Variants in BRINP1 observed in about 807,000 individuals in gnomAD.
BRINP1 encodes BMP/retinoic acid inducible neural specific 1, also known as BMP/retinoic acid-inducible neural-specific protein 1.
In BRINP1, 17 loss-of-function variants were observed where a neutral mutation model predicts 72.9. That is an observed-to-expected ratio of 0.23 (90% confidence interval 0.16 to 0.35). The LOEUF is 0.35. Among genes scored for constraint, BRINP1 ranks in the 10% least tolerant of loss-of-function variants. BRINP1 has a pLI of 1.00. For missense variants in BRINP1, 850 were observed against 1,001.6 expected (o/e 0.85, Z 2.04); for synonymous variants, 418 against 378.5 (o/e 1.10, Z -1.21).
chr9:119,306,028 C>A (rs1447488532), intron 2 of BRINP1, among the ~76,000 whole-genome samples: 1 of 152,188 alleles, frequency 6.6e-6, no homozygotes, highest in Non-Finnish European at 1.5e-5. Flanking sequence ...TCCTAATCTA[C>A]CGAATCATAA....
chr9:119,354,065 C>T (rs992148307), intron 1 of BRINP1, among the ~76,000 whole-genome samples: 2 of 151,680 alleles, frequency 1.3e-5, no homozygotes, highest in African/African-American at 2.4e-5. Context: ...GGGAAACTTC[C>T]CTTCTTATTA....
chr9:119,258,942 G>T (rs1428983563), intron 2 of BRINP1, among the ~76,000 whole-genome samples: 2 of 152,112 alleles, frequency 1.3e-5, no homozygotes, highest in African/African-American at 4.8e-5. Context: ...CTTAGTCTGG[G>T]ATCTTCCTTG....
At chr9:119,326,670 T>C (rs951889540) in intron 1 of BRINP1, among the ~76,000 whole-genome samples, 1 of 152,172 alleles carries the variant, frequency 6.6e-6, no homozygotes, top group Non-Finnish European at 1.5e-5. Flanking sequence ...GTGAAATAAA[T>C]ATTTTGGAGT....
chr9:119,352,858 CTG>C (rs1223626768), intron 1 of BRINP1, among the ~76,000 whole-genome samples: 1 of 152,242 alleles, frequency 6.6e-6, no homozygotes, highest in African/African-American at 2.4e-5. Flanking sequence ...GACTCTGACA[CTG>C]TAATTTACAA....
intron 2 of BRINP1, among the ~76,000 whole-genome samples, chr9:119,270,951 G>A (rs1044024834): frequency 7.9e-5 from 12 of 152,150 alleles, no homozygotes; most frequent in African/African-American, 2.9e-4. Context: ...AGTCTAGCAG[G>A]AAAATAGAGT....
chr9:119,167,038 TGTG>T lies in BRINP1; in HGVS notation c.*43_*45del. 2 of 1,528,098 alleles carry T rather than the reference TGTG, an allele frequency of 1.3e-6. No homozygotes were observed. Among genetic ancestry groups the T allele is most frequent in the Non-Finnish European group, 1.8e-6 (2 of 1,132,754 alleles). 94.7% of individuals were successfully genotyped at this position (1,528,098 alleles called of 1,614,324 possible). A position where few individuals can be genotyped will look rare whatever the true frequency, so the allele number is the denominator to read the frequency against. ...TTTGTTTTGCTTCATTTTGTTCTGTTGTGTGTGTACAACAACAGGAAAAGTCCA... is the reference window on the plus strand; with the variant it reads ...TTTGTTTTGCTTCATTTTGTTCTGTTTGTGTACAACAACAGGAAAAGTCCA... On this transcript the variant is annotated 3_prime_UTR_variant, in exon 8 of 8. Coordinates refer to ENST00000265922, the MANE Select transcript of BRINP1 (RefSeq NM_014618.3). The surrounding 1 kb of genome is among the most constrained non-coding windows in gnomAD (Gnocchi z 4.3).
chr9:119,259,356 G>A (rs1830476645), intron 2 of BRINP1, among the ~76,000 whole-genome samples: 1 of 152,204 alleles, frequency 6.6e-6, no homozygotes, highest in African/African-American at 2.4e-5. Context: ...TAATCTGGCA[G>A]TAGTAGCTAC....
At chr9:119,366,642 T>C (rs1271778687) in intron 1 of BRINP1, among the ~76,000 whole-genome samples, 1 of 151,616 alleles carries the variant, frequency 6.6e-6, no homozygotes, top group East Asian at 1.9e-4. Context: ...GAAATGCATC[T>C]CTGAAAATGT....
Position 119,169,137 on chromosome 9 carries a change from C to G in BRINP1, c.1146-913G>C, listed in dbSNP as rs1032799486. ...AATGTGGCGGAGGAGCCAAGATGGCCTAATAGGAACAGCTCCAGTCTACAG... is the reference window on the plus strand; with the variant it reads ...AATGTGGCGGAGGAGCCAAGATGGCGTAATAGGAACAGCTCCAGTCTACAG... On this transcript the variant is annotated intron_variant, in intron 7 of 7. Coordinates refer to ENST00000265922, the MANE Select transcript of BRINP1 (RefSeq NM_014618.3). Among the ~76,000 whole-genome samples, 20 of 152,306 alleles carry G rather than the reference C, an allele frequency of 1.3e-4. No individual in the cohort carries two copies. In the East Asian group the frequency reaches 3.7e-3, roughly 28 times the overall value.
intron 1 of BRINP1, 59 bp from the exon 2 acceptor site, chr9:119,313,464 A>T: frequency 2.1e-6 from 3 of 1,420,476 alleles, no homozygotes; most frequent in Non-Finnish European, 1.9e-6. Flanking sequence ...GAGAGAGAGG[A>T]GAGGGGAAGA....
intron 5 of BRINP1, among the ~76,000 whole-genome samples, chr9:119,234,300 T>A (rs1357340299): frequency 6.6e-6 from 1 of 152,202 alleles, no homozygotes; most frequent in Non-Finnish European, 1.5e-5. Context: ...TCTTTTTGAT[T>A]TGAGTCATGC....
chr9:119,289,190 A>G (rs1348400204), intron 2 of BRINP1, among the ~76,000 whole-genome samples: 1 of 152,272 alleles, frequency 6.6e-6, no homozygotes, highest in Non-Finnish European at 1.5e-5. Flanking sequence ...GCAAAAGAAC[A>G]GAATGAGAAA....
At chr9:119,355,408 G>C (rs1205836252) in intron 1 of BRINP1, among the ~76,000 whole-genome samples, 1 of 152,104 alleles carries the variant, frequency 6.6e-6, no homozygotes, top group Non-Finnish European at 1.5e-5. Flanking sequence ...TAGAAGGAAG[G>C]TACTGTTGTT....
At chr9:119,285,024 T>G in intron 2 of BRINP1, among the ~76,000 whole-genome samples, 1 of 152,118 alleles carries the variant, frequency 6.6e-6, no homozygotes, top group Middle Eastern at 3.2e-3. Context: ...ATCTTTACGT[T>G]AATTTATGAC....
intron 2 of BRINP1, among the ~76,000 whole-genome samples, chr9:119,301,491 G>A (rs1349705400): frequency 2.6e-5 from 4 of 152,142 alleles, no homozygotes; most frequent in African/African-American, 9.7e-5. Context: ...ACAAATTAGT[G>A]GTTGTCAAAG....
intron 2 of BRINP1, among the ~76,000 whole-genome samples, chr9:119,252,772 T>C (rs1017703743): frequency 6.6e-6 from 1 of 152,126 alleles, no homozygotes; most frequent in African/African-American, 2.4e-5. Flanking sequence ...TATCGAGAGG[T>C]AGAATATAAA....
intron 2 of BRINP1, among the ~76,000 whole-genome samples, chr9:119,263,601 C>CTTTTTTTTTTTTTTTTTTTTT (rs386416080): frequency 1.3e-5 from 1 of 78,560 alleles, no homozygotes; most frequent in Non-Finnish European, 2.2e-5. Context: ...GTAAACAATT[C>CTTTTTTTTTTTTTTTTTTTTT]TTTTTTTTTT....
At chr9:119,267,967 G>T (rs1830564755) in intron 2 of BRINP1, among the ~76,000 whole-genome samples, 1 of 152,142 alleles carries the variant, frequency 6.6e-6, no homozygotes, top group African/African-American at 2.4e-5. Context: ...GTTAGGTCAG[G>T]TGCAGTGGCT....
At chr9:119,190,082 A>G (rs1463200658) in intron 7 of BRINP1, among the ~76,000 whole-genome samples, 1 of 152,056 alleles carries the variant, frequency 6.6e-6, no homozygotes, top group African/African-American at 2.4e-5. Context: ...CAATAGGTCA[A>G]AGAAGAAATC....
Sources: allele counts gnomAD v4.1 joint callset (sites outside exome capture counted in the v4.1 genomes callset), GRCh38; gene constraint gnomAD v4.1.1; non-coding constraint Gnocchi (gnomAD v3.1); transcripts MANE v1.5; gene names NCBI Gene and HGNC (gene_info 2026-07-23, HGNC 2026-07-21).